The following MOXD1 variants were observed in gnomAD, a reference collection of about 807,000 sequenced individuals.
MOXD1 encodes the protein monooxygenase DBH like 1, also known as DBH-like monooxygenase protein 1.
MOXD1 carries 62 observed loss-of-function variants against 66.6 expected under a neutral mutation model. That is an observed-to-expected ratio of 0.93 (90% CI 0.76 to 1.15). MOXD1 has a LOEUF of 1.15. Among genes scored for constraint, MOXD1 ranks in the 50% most tolerant of loss-of-function variants. The probability of loss-of-function intolerance (pLI) is 0.00; values close to 1 mark genes in which losing one functional copy is unlikely to be tolerated. For synonymous variants in MOXD1, 303 were observed against 281.9 expected, an observed-to-expected ratio of 1.07 and a Z score of -0.75; for missense variants, 847 against 754.6, an observed-to-expected ratio of 1.12 and a Z score of -1.44.
chr6:132,397,632 GAGAC>G (rs1251588895), intron 1 of MOXD1, among the ~76,000 whole-genome samples: 2 of 109,098 alleles, frequency 1.8e-5, no homozygotes, highest in South Asian at 2.9e-4. Context: ...GAGAGAGAGA[GAGAC>G]AGAAAGAAAG....
intron 4 of MOXD1, among the ~76,000 whole-genome samples, chr6:132,347,537 T>C (rs999238704): frequency 5.3e-5 from 8 of 151,700 alleles, no homozygotes; most frequent in Non-Finnish European, 1.0e-4. Flanking sequence ...ATTAGCCAGG[T>C]GTGTTGGTGG....
chr6:132,324,037 GCATCATATTTCCTTATATC>G lies in MOXD1; in HGVS notation c.988_1006del (p.Asp330LeufsTer3). On this transcript the variant is annotated frameshift_variant, in exon 7 of 12. Coordinates refer to ENST00000367963, the MANE Select transcript of MOXD1 (RefSeq NM_015529.4). LOFTEE classifies it high-confidence loss of function. ...CCAGAGGCCAGCCTCAATCACCCCAGCATCATATTTCCTTATATCCATTGTGTAAAATAACCTCAGTCCA... is the reference window on the plus strand; with the variant it reads ...CCAGAGGCCAGCCTCAATCACCCCAGCATTGTGTAAAATAACCTCAGTCCA... 1 of 1,613,800 alleles carries G rather than the reference GCATCATATTTCCTTATATC, an allele frequency of 6.2e-7. No individual in the cohort carries two copies. The highest frequency in any genetic ancestry group is 1.1e-5 in the South Asian group (1 of 91,068).
intron 10 of MOXD1, among the ~76,000 whole-genome samples, chr6:132,303,837 AT>A (rs1774620630): frequency 6.6e-5 from 2 of 30,126 alleles, no homozygotes; most frequent in African/African-American, 3.2e-4. Context: ...GTGTGTGTGT[AT>A]ATATATATAT....
intron 4 of MOXD1, among the ~76,000 whole-genome samples, chr6:132,330,554 T>C (rs549249531): frequency 6.6e-6 from 1 of 152,306 alleles, no homozygotes; most frequent in East Asian, 1.9e-4. Flanking sequence ...GGTTCTTTTT[T>C]CTTTCCCCTC....
chr6:132,330,188 G>A (rs1415696063), intron 4 of MOXD1, among the ~76,000 whole-genome samples: 6 of 152,134 alleles, frequency 3.9e-5, no homozygotes, highest in Non-Finnish European at 2.9e-5. Context: ...GTACTGGTCC[G>A]TGGCCTGTTA....
chr6:132,314,924 C>T (rs994169066), intron 10 of MOXD1, among the ~76,000 whole-genome samples: 5 of 151,940 alleles, frequency 3.3e-5, no homozygotes, highest in African/African-American at 1.2e-4. Flanking sequence ...AACAATTATA[C>T]CTAAAGAGTT....
chr6:132,322,853 C>G lies in MOXD1; in HGVS notation c.1131G>C (p.Lys377Asn), dbSNP rs1451416439. The change falls in exon 8 of 12, where the codon AAG becomes AAC. Residue 377 changes from lysine (K) to asparagine (N), a missense_variant. Coordinates refer to ENST00000367963, the MANE Select transcript of MOXD1 (RefSeq NM_015529.4). ...CAGCAAACACATGAATTCCACTTGG[C>G]TTTTCGGCTTCCAGAGCCTACAGGA... ...ECLEEALEAE[K>N]PSGIHVFAVL... The G allele has an allele frequency of 6.2e-7, 1 of 1,613,030 alleles. No individual in the cohort carries two copies. Among genetic ancestry groups the G allele is most frequent in the African/African-American group, 1.3e-5 (1 of 74,892 alleles).
At chr6:132,300,555 GT>G (rs1157547721) in intron 10 of MOXD1, among the ~76,000 whole-genome samples, 1 of 152,116 alleles carries the variant, frequency 6.6e-6, no homozygotes, top group African/African-American at 2.4e-5. Context: ...TGGTGCTTAG[GT>G]TGCCTAAAGC....
chr6:132,302,202 G>A (rs888760673), intron 10 of MOXD1, among the ~76,000 whole-genome samples: 4 of 152,142 alleles, frequency 2.6e-5, no homozygotes, highest in Admixed American at 2.6e-4. Context: ...AGACATTTGA[G>A]CTCAAACTAG....
chr6:132,332,297 A>G (rs1775337649), intron 4 of MOXD1, among the ~76,000 whole-genome samples: 1 of 152,162 alleles, frequency 6.6e-6, no homozygotes, highest in African/African-American at 2.4e-5. Context: ...CTTGCTGCAA[A>G]CTTGGGTACT....
In MOXD1 at chr6:132,297,026, A is replaced by C. The variant is rs1160789176; in HGVS notation, c.*127T>G. Reference sequence around the variant, plus strand: ...TCATGTAACATGGAAAGGAAAAAGGAGGGAGGGAAAATGGGGAAGAAAAGT... The same window carrying C: ...TCATGTAACATGGAAAGGAAAAAGGCGGGAGGGAAAATGGGGAAGAAAAGT... On this transcript the variant is annotated 3_prime_UTR_variant, in exon 12 of 12. Coordinates refer to ENST00000367963, the MANE Select transcript of MOXD1 (RefSeq NM_015529.4). 1.2e-6 allele frequency: 1 copy of C among 868,832 alleles called. No individual in the cohort carries two copies. The highest frequency in any genetic ancestry group is 1.7e-6 in the Non-Finnish European group (1 of 573,158). 53.8% of individuals were successfully genotyped at this position (868,832 alleles called of 1,614,324 possible).
At chr6:132,399,324 A>G (rs1776968569) in intron 1 of MOXD1, among the ~76,000 whole-genome samples, 1 of 152,232 alleles carries the variant, frequency 6.6e-6, no homozygotes, top group South Asian at 2.1e-4. Context: ...CCTTAGGAAT[A>G]AAAATGGACG....
At chr6:132,362,913 T>A (rs13190939) in intron 4 of MOXD1, among the ~76,000 whole-genome samples, 35,894 of 151,950 alleles carry the variant, frequency 0.24, 4,756 homozygotes, top group African/African-American at 0.36. Flanking sequence ...AATCTTACTT[T>A]AAAGACTTCC....
chr6:132,320,612 A>T lies in MOXD1; in HGVS notation c.1365+17T>A. ...CTCTCCATAAATGAACTTTAATAAT[A>T]ATAAAAGTTTTCTTACCCAAGTCAT... On this transcript the variant is annotated intron_variant, in intron 9 of 11. Coordinates refer to ENST00000367963, the MANE Select transcript of MOXD1 (RefSeq NM_015529.4). 1 of 1,581,828 alleles carries T rather than the reference A, an allele frequency of 6.3e-7. No homozygotes were observed. The highest frequency in any genetic ancestry group is 8.6e-7 in the Non-Finnish European group (1 of 1,159,686).
At chr6:132,381,513 T>C (rs1295666623) in intron 1 of MOXD1, among the ~76,000 whole-genome samples, 1 of 149,984 alleles carries the variant, frequency 6.7e-6, no homozygotes, top group Non-Finnish European at 1.5e-5. Flanking sequence ...GCCTAGAGGA[T>C]GAAAAGCCGA....
At chr6:132,336,068 T>C (rs1331869240) in intron 4 of MOXD1, among the ~76,000 whole-genome samples, 2 of 152,178 alleles carry the variant, frequency 1.3e-5, no homozygotes, top group Non-Finnish European at 2.9e-5. Flanking sequence ...ACTCTACCCA[T>C]TTAACCTGTG....
intron 4 of MOXD1, among the ~76,000 whole-genome samples, chr6:132,352,018 CT>C (rs1024721505): frequency 3.3e-5 from 5 of 152,070 alleles, no homozygotes; most frequent in Admixed American, 3.3e-4. Context: ...GATTTTCTCT[CT>C]TCTAGGTTAA....
chr6:132,323,991 G>T lies in MOXD1; in HGVS notation c.1053C>A (p.Ile351=). 6.2e-7 allele frequency: 1 copy of T among 1,613,962 alleles called. No homozygotes were observed. The highest frequency in any genetic ancestry group is 1.7e-5 in the Admixed American group (1 of 59,998). The change falls in exon 7 of 12, where the codon ATC becomes ATA. Residue 351 remains isoleucine (I), a synonymous_variant. Coordinates refer to ENST00000367963, the MANE Select transcript of MOXD1 (RefSeq NM_015529.4). ...ACTGGAACTCAGGCATCCCTGGAGG[G>T]ATGGTATGGAAGAGGCTCACCCAGA... is the stretch of plus-strand genomic sequence containing the variant. The part of the protein sequence containing the change: ...AGLWVSLFHT[I]PPGMPEFQSE...
At chr6:132,312,333 A>G (rs1401840184) in intron 10 of MOXD1, among the ~76,000 whole-genome samples, 1 of 152,158 alleles carries the variant, frequency 6.6e-6, no homozygotes, top group Non-Finnish European at 1.5e-5. Flanking sequence ...ATGTTATATG[A>G]TATTCCTTTT....
Sources: allele counts gnomAD v4.1 joint callset (sites outside exome capture counted in the v4.1 genomes callset), GRCh38; gene constraint gnomAD v4.1.1; transcripts MANE v1.5; gene names NCBI Gene and HGNC (gene_info 2026-07-23, HGNC 2026-07-21).